Variants in TRIM14 observed in about 807,000 individuals in gnomAD.
TRIM14 encodes tripartite motif-containing protein 14.
TRIM14 carries 28 observed loss-of-function variants against 44.5 expected under a neutral mutation model. That is an observed-to-expected ratio of 0.63 (90% confidence interval 0.47 to 0.86). The LOEUF (loss-of-function observed/expected upper bound fraction) is 0.86. TRIM14 is among the 40% of genes least tolerant of loss of function. The probability of loss-of-function intolerance (pLI) is 0.00; values close to 1 mark genes in which losing one functional copy is unlikely to be tolerated. For missense variants in TRIM14, 607 were observed against 611.1 expected, an observed-to-expected ratio of 0.99 and a Z score of 0.07; for synonymous variants, 299 against 269.2, an observed-to-expected ratio of 1.11 and a Z score of -1.08.
chr9:98,042,538 G>C, the TRIM14 span, among the ~76,000 whole-genome samples: 1,600 of 152,168 alleles, frequency 0.011, 34 homozygotes, highest in African/African-American at 0.037. Flanking sequence ...CATTTCTAAT[G>C]TTATTTTACC....
rs145876578 is a variant in TRIM14 at position 98,110,959 on chromosome 9, C to T, written c.208-975G>A. On this transcript the variant is annotated intron_variant, in intron 1 of 5. Coordinates refer to ENST00000341469, the MANE Select transcript of TRIM14 (RefSeq NM_014788.4). ...CTACTTGGGAGGCTGAGGTCAGGGG[C>T]GGGTCACCTAAGCCCAGGAGGTTGC... Among the ~76,000 whole-genome samples, 532 of 150,836 alleles carry T rather than the reference C, an allele frequency of 3.5e-3. 3 individuals are homozygous for T. Among genetic ancestry groups the T allele is most frequent in the African/African-American group, 0.013 (514 of 41,058 alleles).
chr9:98,094,945 C>T lies in TRIM14; in HGVS notation c.622G>A (p.Val208Ile), dbSNP rs149392923. Residue 208 changes from valine (V) to isoleucine (I), a missense_variant, in exon 4 of 6, where the codon GTC (valine) becomes ATC (isoleucine). Around this residue, in one of 3 missense-constraint regions of TRIM14, gnomAD observed 5 missense variants for 17.3 expected, o/e 0.29. Coordinates refer to ENST00000341469, the MANE Select transcript of TRIM14 (RefSeq NM_014788.4). ...CHPVPLSFEP[V>I]KSFFKGLVEA... ...ACGAGGCCCTTAAAGAAGCTCTTGA[C>T]GGGCTCAAAGGAGAGGGGCACGGGA... The T allele has an allele frequency of 4.1e-4, 664 of 1,614,054 alleles. 1 individual carries two copies. The highest frequency in any genetic ancestry group is 5.1e-4 in the Non-Finnish European group (604 of 1,180,030).
intron 1 of TRIM14, among the ~76,000 whole-genome samples, chr9:98,114,165 T>C (rs1378139144): frequency 2.0e-5 from 3 of 152,244 alleles, no homozygotes; most frequent in Non-Finnish European, 4.4e-5. Flanking sequence ...TATTAATGTG[T>C]TCCAAAATTG....
intron 5 of TRIM14, 47 bp from the exon 6 acceptor site, chr9:98,088,052 C>T: frequency 1.4e-6 from 2 of 1,404,128 alleles, no homozygotes; most frequent in Non-Finnish European, 9.2e-7. Context: ...GGGGCCAGCG[C>T]GGCGCCCCGC....
downstream of TRIM14, among the ~76,000 whole-genome samples, chr9:98,066,902 T>G (rs370098617): frequency 6.6e-6 from 1 of 152,154 alleles, no homozygotes; most frequent in African/African-American, 2.4e-5. Context: ...CCACTTGCCT[T>G]GGCCTCCCAA....
chr9:98,050,925 C>T, the TRIM14 span, among the ~76,000 whole-genome samples: 7 of 152,106 alleles, frequency 4.6e-5, no homozygotes, highest in African/African-American at 1.2e-4. Flanking sequence ...AGGCAGGCAC[C>T]GCCACACCCA....
the TRIM14 span, among the ~76,000 whole-genome samples, chr9:98,049,338 CATAA>C: frequency 1.0e-4 from 4 of 38,584 alleles, no homozygotes; most frequent in East Asian, 6.9e-4. Flanking sequence ...TGAGACTCTG[CATAA>C]AAAAAAAAAA....
the TRIM14 span, among the ~76,000 whole-genome samples, chr9:98,053,723 T>C: frequency 1.3e-5 from 2 of 152,028 alleles, no homozygotes; most frequent in Non-Finnish European, 2.9e-5. Context: ...AGGTTCCCTT[T>C]CTCTGCAGCT....
chr9:98,111,648 G>A (rs993273173), intron 1 of TRIM14, among the ~76,000 whole-genome samples: 1 of 152,130 alleles, frequency 6.6e-6, no homozygotes, highest in African/African-American at 2.4e-5. Flanking sequence ...AGTTTTAAAA[G>A]TTGTTTTCAG....
chr9:98,070,187 G>A (rs1587913212), intron 6 of TRIM14, among the ~76,000 whole-genome samples: 2 of 152,304 alleles, frequency 1.3e-5, no homozygotes, highest in East Asian at 3.9e-4. Flanking sequence ...GCACGATTGT[G>A]GCTCACTGTA....
the TRIM14 span, among the ~76,000 whole-genome samples, chr9:98,062,301 G>A: frequency 6.6e-6 from 1 of 152,036 alleles, no homozygotes; most frequent in African/African-American, 2.4e-5. Context: ...GGGGACACTG[G>A]CACTGTCCAG....
intron 6 of TRIM14, among the ~76,000 whole-genome samples, chr9:98,078,781 G>A (rs1829710052): frequency 6.7e-6 from 1 of 148,976 alleles, no homozygotes; most frequent in African/African-American, 2.5e-5. Flanking sequence ...GTTGCAGTGA[G>A]CCGAGATTGC....
At chr9:98,078,338 G>A (rs1829687366) in intron 6 of TRIM14, 2 of 1,613,732 alleles carry the variant, frequency 1.2e-6, no homozygotes, top group Middle Eastern at 1.6e-4. Flanking sequence ...TCAACCTGCG[G>A]GTCATCTCGG....
In TRIM14 at chr9:98,093,752, A is replaced by ATTG. The variant is rs1210017148; in HGVS notation, c.700+1112_700+1114dup. Among the ~76,000 whole-genome samples, 64 of 151,046 alleles carry ATTG rather than the reference A, an allele frequency of 4.2e-4. 2 individuals are homozygous for ATTG. The highest frequency in any genetic ancestry group is 4.1e-3 in the Admixed American group (62 of 15,170). ...GCCCTGGTTTATTATTATTATTATT[A>ATTG]TTGTTATTTTTGAGACAGAGTCTTG... On this transcript the variant is annotated intron_variant, in intron 4 of 5. Coordinates refer to ENST00000341469, the MANE Select transcript of TRIM14 (RefSeq NM_014788.4).
intron 6 of TRIM14, chr9:98,076,627 G>T (rs541914206): frequency 2.0e-4 from 67 of 335,508 alleles, no homozygotes; most frequent in African/African-American, 1.5e-3. Context: ...TGCCCGCCTC[G>T]GCCTCCCAAA....
chr9:98,070,382 T>C (rs1829287121), intron 6 of TRIM14, among the ~76,000 whole-genome samples: 1 of 152,106 alleles, frequency 6.6e-6, no homozygotes, highest in Non-Finnish European at 1.5e-5. Context: ...CCTCCCAAAG[T>C]GCTGGGATTG....
intron 5 of TRIM14, among the ~76,000 whole-genome samples, chr9:98,088,915 T>TG (rs1825897672): frequency 4.4e-5 from 4 of 91,468 alleles, no homozygotes; most frequent in East Asian, 3.7e-4. Context: ...ATGAAGTTTT[T>TG]TTTGTTGTTG....
chr9:98,079,723 C>T (rs6478556), downstream of TRIM14, among the ~76,000 whole-genome samples: 45,198 of 152,122 alleles, frequency 0.3, 8,500 homozygotes, highest in African/African-American at 0.53. Context: ...GTATCTCCGT[C>T]CCCACTCAAG....
At chr9:98,044,368 CTTTTTTTTTT>C in the TRIM14 span, among the ~76,000 whole-genome samples, 31 of 110,504 alleles carry the variant, frequency 2.8e-4, no homozygotes, top group Non-Finnish European at 7.2e-5. Flanking sequence ...TGCCCTTTCT[CTTTTTTTTTT>C]TTTTTTTTTT....
Sources: allele counts gnomAD v4.1 joint callset (sites outside exome capture counted in the v4.1 genomes callset), GRCh38; gene constraint gnomAD v4.1.1; regional missense constraint gnomAD v4.1.1; transcripts MANE v1.5; gene names NCBI Gene and HGNC (gene_info 2026-07-23, HGNC 2026-07-21).